PTPN3: variants seen among roughly 807,000 people sequenced by gnomAD.
PTPN3 encodes protein tyrosine phosphatase non-receptor type 3, also known as tyrosine-protein phosphatase non-receptor type 3.
A neutral mutation model predicts 132.7 loss-of-function variants in PTPN3; 96 were observed. That is an observed-to-expected ratio of 0.72 (90% confidence interval 0.61 to 0.86). PTPN3 has a LOEUF of 0.86. PTPN3 is among the 40% of genes least tolerant of loss of function. The probability of loss-of-function intolerance (pLI) is 0.00; values close to 1 mark genes in which losing one functional copy is unlikely to be tolerated. For synonymous variants in PTPN3, 398 were observed against 429.0 expected, an observed-to-expected ratio of 0.93 and a Z score of 0.89; for missense variants, 1,125 against 1,159.6, an observed-to-expected ratio of 0.97 and a Z score of 0.43.
At chr9:109,410,451 G>C (rs1301115521) in intron 14 of PTPN3, 36 bp from the exon 15 acceptor site, 1 of 1,595,918 alleles carries the variant, frequency 6.3e-7, no homozygotes, top group South Asian at 1.1e-5. Flanking sequence ...TTAATAACTG[G>C]GTTAATATTT....
chr9:109,520,116 G>A, the PTPN3 span, among the ~76,000 whole-genome samples: 1 of 148,956 alleles, frequency 6.7e-6, no homozygotes, highest in African/African-American at 2.5e-5. Context: ...CCGAGATGGC[G>A]CCACTGCACT....
At chr9:109,411,696 A>G (rs996519782) in intron 14 of PTPN3, among the ~76,000 whole-genome samples, 38 of 152,240 alleles carry the variant, frequency 2.5e-4, no homozygotes, top group African/African-American at 8.9e-4. Context: ...GCCCTTATCC[A>G]TGGATTTTTT....
chr9:109,451,430 T>C, intron 5 of PTPN3: 1 of 930,390 alleles, frequency 1.1e-6, no homozygotes, highest in Non-Finnish European at 1.3e-6. Flanking sequence ...AACCAGTGAA[T>C]TTTAGAAGAG....
intron 10 of PTPN3, 74 bp downstream of exon 10, chr9:109,432,999 G>C: frequency 1.3e-6 from 2 of 1,570,860 alleles, no homozygotes; most frequent in Non-Finnish European, 1.7e-6. Context: ...ATTTAGAATG[G>C]GAGGTAACAT....
intron 6 of PTPN3, among the ~76,000 whole-genome samples, chr9:109,448,215 G>T (rs1351506690): frequency 6.6e-6 from 1 of 152,096 alleles, no homozygotes; most frequent in Non-Finnish European, 1.5e-5. Flanking sequence ...CCTCTCCAGG[G>T]CTAAACTCAC....
At chr9:109,388,120 G>C (rs760237776) in intron 22 of PTPN3, among the ~76,000 whole-genome samples, 2 of 152,156 alleles carry the variant, frequency 1.3e-5, no homozygotes, top group Non-Finnish European at 2.9e-5. Flanking sequence ...AAACAAATGG[G>C]AGATGCTGAA....
the PTPN3 span, chr9:109,534,155 C>A: frequency 5.9e-6 from 5 of 845,506 alleles, no homozygotes; most frequent in South Asian, 6.6e-5. Context: ...GTTCCCAAAA[C>A]CTTCGTTGCG....
intron 5 of PTPN3, chr9:109,449,148 G>A: frequency 3.3e-6 from 4 of 1,216,684 alleles, no homozygotes; most frequent in Non-Finnish European, 4.1e-6. Flanking sequence ...GCCCACCAAA[G>A]ATGGGCTGGT....
chr9:109,528,520 G>T, the PTPN3 span, among the ~76,000 whole-genome samples: 2 of 152,268 alleles, frequency 1.3e-5, no homozygotes, highest in African/African-American at 4.8e-5. Context: ...TCAAAAACAG[G>T]CAAAACAGAT....
In PTPN3 at chr9:109,425,509, G is replaced by A. The variant is rs568648023; in HGVS notation, c.1001+1441C>T. Among the ~76,000 whole-genome samples the A allele has an allele frequency of 3.9e-4, 60 of 151,980 alleles. 1 individual carries two copies. The East Asian group carries it at 0.01, about 26-fold the overall frequency. The stretch of plus-strand genomic sequence containing the variant: ...GCAGATCACCTGAGGTCAGGAGTTC[G>A]AGAGCAGCCTGCCCAATGTGGTGAA... On this transcript the variant is annotated intron_variant, in intron 12 of 25. Coordinates refer to ENST00000374541, the MANE Select transcript of PTPN3 (RefSeq NM_002829.4).
chr9:109,412,742 A>G (rs1357650184), intron 14 of PTPN3, among the ~76,000 whole-genome samples: 1 of 151,818 alleles, frequency 6.6e-6, no homozygotes, highest in Non-Finnish European at 1.5e-5. Context: ...CATGGTCTCA[A>G]GCAATCCTCC....
chr9:109,442,569 T>G (rs1216194525), intron 7 of PTPN3, among the ~76,000 whole-genome samples: 1 of 152,246 alleles, frequency 6.6e-6, no homozygotes, highest in African/African-American at 2.4e-5. Flanking sequence ...ACCTGACTAC[T>G]GAAGCCTGCG....
At chr9:109,476,883 A>T (rs1040353966) in intron 1 of PTPN3, among the ~76,000 whole-genome samples, 1 of 152,168 alleles carries the variant, frequency 6.6e-6, no homozygotes, top group Non-Finnish European at 1.5e-5. Flanking sequence ...TCCCTGGGCC[A>T]TTCCCTTTCC....
chr9:109,537,639 T>C, the PTPN3 span, among the ~76,000 whole-genome samples: 2 of 152,244 alleles, frequency 1.3e-5, no homozygotes, highest in Non-Finnish European at 2.9e-5. Context: ...GGGGCTTAGC[T>C]GAGTCCTCCA....
the PTPN3 span, among the ~76,000 whole-genome samples, chr9:109,517,444 A>G: frequency 6.6e-6 from 1 of 152,236 alleles, no homozygotes; most frequent in South Asian, 2.1e-4. Flanking sequence ...CTATACTTCC[A>G]GAGATCCTCT....
intron 18 of PTPN3, among the ~76,000 whole-genome samples, chr9:109,405,344 C>G (rs538911998): frequency 1.3e-5 from 2 of 152,012 alleles, no homozygotes; most frequent in Admixed American, 6.6e-5. Context: ...GGAGCAGAGC[C>G]GAGGCAGGAG....
chr9:109,413,511 G>A (rs1164901394), intron 14 of PTPN3, among the ~76,000 whole-genome samples: 3 of 152,216 alleles, frequency 2.0e-5, no homozygotes, highest in Non-Finnish European at 4.4e-5. Flanking sequence ...CTCCTCTGTC[G>A]CTGGGCAGAA....
rs761756497 is a variant in PTPN3, at chr9:109,383,470, A to G, written c.2335T>C (p.Cys779Arg). The change falls in exon 23 of 26, where the codon TGC (cysteine) becomes CGC (arginine). Residue 779 changes from cysteine (C) to arginine (R), a missense_variant. Cys to Arg is a radical substitution (Grantham distance 180, BLOSUM62 -3). Transcript: ENST00000374541. ...GFHIQCQSED[C>R]TIAYVSREML... ...TCTCGGGACACATAGGCGATGGTGC[A>G]GTCCTCTGACTGACACTGGATGTGA... is the stretch of plus-strand genomic sequence containing the variant. 4 of 1,614,062 alleles carry G rather than the reference A, an allele frequency of 2.5e-6. No individual in the cohort carries two copies. In the South Asian group the frequency reaches 4.4e-5, roughly 18 times the overall value.
chr9:109,453,847 A>T (rs1588454634), intron 5 of PTPN3, among the ~76,000 whole-genome samples: 2 of 2,760 alleles, frequency 7.2e-4, no homozygotes, highest in South Asian at 0.038. Context: ...ATCTCCGTTA[A>T]AAAAAAAAAA....
Sources: allele counts gnomAD v4.1 joint callset (sites outside exome capture counted in the v4.1 genomes callset), GRCh38; gene constraint gnomAD v4.1.1; transcripts MANE v1.5; gene names NCBI Gene and HGNC (gene_info 2026-07-23, HGNC 2026-07-21).